Variants in RAPH1 observed in about 807,000 individuals in gnomAD.
The protein encoded by RAPH1 is Ras association (RalGDS/AF-6) and pleckstrin homology domains 1.
Under a neutral mutation model 88.1 loss-of-function variants are expected in RAPH1, and 18 were observed. The ratio of observed to expected loss-of-function variants is 0.20; its 90% CI spans 0.14 to 0.30. The LOEUF (loss-of-function observed/expected upper bound fraction) is 0.30, where lower values mean the gene tolerates loss of function less well. Ranked by LOEUF, RAPH1 falls within the 10% of genes least tolerant of loss-of-function variation. The pLI is 1.00. For synonymous variants in RAPH1, 587 were observed against 559.0 expected (o/e 1.05, Z -0.71); for missense variants, 1,448 against 1,543.2 (o/e 0.94, Z 1.03).
At chr2:203,510,857 G>A (rs935387873) in intron 1 of RAPH1, among the ~76,000 whole-genome samples, 3 of 151,924 alleles carry the variant, frequency 2.0e-5, no homozygotes, top group African/African-American at 7.3e-5. Flanking sequence ...CCAGGAGTTC[G>A]AAACCAGACT....
At chr2:203,520,331 C>CAA (rs33931481) in intron 1 of RAPH1, among the ~76,000 whole-genome samples, 3,206 of 144,100 alleles carry the variant, frequency 0.022, 53 homozygotes, top group East Asian at 0.073. Context: ...GCCCCTGCCT[C>CAA]AAAAAAAAAA....
chr2:203,471,718 T>C (rs2098533255), intron 4 of RAPH1, among the ~76,000 whole-genome samples: 1 of 152,226 alleles, frequency 6.6e-6, no homozygotes, highest in African/African-American at 2.4e-5. Context: ...TATACTATGT[T>C]AAGTTTGCTA....
chr2:203,494,827 A>G, intron 2 of RAPH1, among the ~76,000 whole-genome samples: 1 of 151,756 alleles, frequency 6.6e-6, no homozygotes, highest in South Asian at 2.1e-4. Flanking sequence ...AAAAAAAGAA[A>G]AAAAAAAAGA....
In RAPH1 at chr2:203,499,539, T is replaced by C. The variant is rs148083521; in HGVS notation, c.1-4186A>G. The stretch of plus-strand genomic sequence containing the variant: ...GAGTTCAAGACTAGCATGGCCAAGA[T>C]AGTGAAACCCCGTCTCTACAAAAAT... On this transcript the variant is annotated intron_variant, in intron 1 of 13. Coordinates refer to ENST00000319170, the MANE Select transcript of RAPH1 (RefSeq NM_213589.3). Among the ~76,000 whole-genome samples the C allele has an allele frequency of 7.8e-4, 119 of 151,984 alleles. 1 individual carries two copies. The highest frequency in any genetic ancestry group is 3.4e-3 in the Middle Eastern group (1 of 294).
rs564948157 is a variant in RAPH1, at chr2:203,441,406, A to G, written c.1784T>C (p.Met595Thr). Residue 595 changes from methionine (M) to threonine (T), a missense_variant, in exon 14 of 14, where the codon ATG (methionine) becomes ACG (threonine). Around this residue, in one of 2 missense-constraint regions of RAPH1, gnomAD observed 935 missense variants for 890.1 expected, o/e 1.05. Coordinates refer to ENST00000319170, the MANE Select transcript of RAPH1 (RefSeq NM_213589.3). ...AGTGTAGGGCCGATTCATAGACTCC[A>G]TTCTGGCCTAAAAGGAGTATAAAAA... ...TQLEESSKARMESMNRPYTSL... is the reference protein window; with the variant it reads ...TQLEESSKARTESMNRPYTSL... 18 of 1,545,922 alleles carry G rather than the reference A, an allele frequency of 1.2e-5. No individual in the cohort carries two copies. In the South Asian group the frequency reaches 2.3e-4, roughly 20 times the overall value.
chr2:203,533,977 C>T (rs901693663), intron 1 of RAPH1, among the ~76,000 whole-genome samples: 1 of 152,204 alleles, frequency 6.6e-6, no homozygotes, highest in Non-Finnish European at 1.5e-5. Context: ...GTTTCCCCCA[C>T]TCCGAAGAGC....
rs1333429763 is a variant in RAPH1 at position 203,490,107 on chromosome 2, T to C, written c.227-18A>G. The C allele has an allele frequency of 7.7e-6, 12 of 1,561,018 alleles. No individual in the cohort carries two copies. Among genetic ancestry groups the C allele is most frequent in the South Asian group, 1.2e-5 (1 of 82,556 alleles). On this transcript the variant is annotated intron_variant, in intron 3 of 13. Coordinates refer to ENST00000319170, the MANE Select transcript of RAPH1 (RefSeq NM_213589.3). Reference sequence around the variant, plus strand: ...CAGAGCTTCTGCAATGAACAACACATAATGTTTCCAGAATTTATACATTCT... The same window carrying C: ...CAGAGCTTCTGCAATGAACAACACACAATGTTTCCAGAATTTATACATTCT...
chr2:203,476,681 A>C (rs1370953143), intron 4 of RAPH1, among the ~76,000 whole-genome samples: 2 of 152,162 alleles, frequency 1.3e-5, no homozygotes, highest in Non-Finnish European at 2.9e-5. Context: ...CCAAAGAATA[A>C]ATTTTTTTAA....
intron 4 of RAPH1, among the ~76,000 whole-genome samples, chr2:203,466,431 G>A (rs2153644598): frequency 6.6e-6 from 1 of 152,246 alleles, no homozygotes; most frequent in South Asian, 2.1e-4. Flanking sequence ...AGCTCATGGG[G>A]TGTTGTATAA....
rs1392338244 is a variant in RAPH1, at chr2:203,506,823, T to TATATATATCTAG, written c.1-11471_1-11470insCTAGATATATAT. 7.2e-4 allele frequency among the ~76,000 whole-genome samples: 42 copies of TATATATATCTAG among 58,532 alleles called. 4 individuals carry two copies. Among genetic ancestry groups the TATATATATCTAG allele is most frequent in the Admixed American group, 1.7e-3 (8 of 4,604 alleles). The allele number at this position is 58,532 out of a possible 152,430, so 38.4% of individuals were successfully genotyped here. ...ATATATATCTATATCTATATATCTA[T>TATATATATCTAG]ATATATATCTATATCTATATATCTA... On this transcript the variant is annotated intron_variant, in intron 1 of 13. Coordinates refer to ENST00000319170, the MANE Select transcript of RAPH1 (RefSeq NM_213589.3).
At chr2:203,512,349 C>CT (rs1242235787) in intron 1 of RAPH1, among the ~76,000 whole-genome samples, 3 of 129,018 alleles carry the variant, frequency 2.3e-5, no homozygotes, top group Non-Finnish European at 4.8e-5. Context: ...GAGTGAGACT[C>CT]TGTCTCAAAA....
At chr2:203,488,538 G>C (rs1688082247) in intron 4 of RAPH1, among the ~76,000 whole-genome samples, 1 of 119,446 alleles carries the variant, frequency 8.4e-6, no homozygotes, top group African/African-American at 3.2e-5. Context: ...AGTGAGCCAA[G>C]ATCATGCCAC....
rs1241030170 is a variant in RAPH1 at position 203,434,060 on chromosome 2, A to ATCTATCTATCTATC, written c.*5376_*5377insGATAGATAGATAGA. ...CTCATATATCTATCTATCTATCTATATATATATATATATATATATAGCTTT... is the reference window on the plus strand; with the variant it reads ...CTCATATATCTATCTATCTATCTATATCTATCTATCTATCTATATATATATATATATATAGCTTT... On this transcript the variant is annotated 3_prime_UTR_variant, in exon 14 of 14. Transcript: ENST00000319170. The ATCTATCTATCTATC allele has an allele frequency of 2.8e-3, 336 of 119,432 alleles. 1 individual carries two copies. Among genetic ancestry groups the ATCTATCTATCTATC allele is most frequent in the African/African-American group, 8.7e-3 (230 of 26,486 alleles). 7.4% of individuals were successfully genotyped at this position (119,432 alleles called of 1,614,324 possible).
intron 1 of RAPH1, among the ~76,000 whole-genome samples, chr2:203,526,972 C>T (rs190377742): frequency 4.6e-4 from 70 of 151,978 alleles, no homozygotes; most frequent in African/African-American, 1.6e-3. Flanking sequence ...TTAGTAGAGA[C>T]AGGGTTTTGC....
chr2:203,506,746 A>ATATATATATC lies in RAPH1; in HGVS notation c.1-11394_1-11393insGATATATATA, dbSNP rs1553630375. ...AATCCATATATAGATATATATCTAT[A>ATATATATATC]TATATATATATCTATATATATATCT... On this transcript the variant is annotated intron_variant, in intron 1 of 13. Transcript: ENST00000319170. Among the ~76,000 whole-genome samples, 416 of 118,840 alleles carry ATATATATATC rather than the reference A, an allele frequency of 3.5e-3. 41 individuals are homozygous for ATATATATATC. Among genetic ancestry groups the ATATATATATC allele is most frequent in the African/African-American group, 0.015 (360 of 23,668 alleles). The allele number at this position is 118,840 out of a possible 152,430, so 78.0% of individuals were successfully genotyped here.
chr2:203,476,939 G>T, intron 4 of RAPH1: 1 of 614,290 alleles, frequency 1.6e-6, no homozygotes, highest in Non-Finnish European at 2.9e-6. Flanking sequence ...TTGCTTATTT[G>T]TTTTTGCTAA....
chr2:203,497,211 G>A (rs1688556206), intron 1 of RAPH1, among the ~76,000 whole-genome samples: 1 of 152,212 alleles, frequency 6.6e-6, no homozygotes. Flanking sequence ...TGTGGAGGAA[G>A]CCAGCAACAA....
At chr2:203,514,353 G>T (rs2105936931) in intron 1 of RAPH1, among the ~76,000 whole-genome samples, 1 of 152,126 alleles carries the variant, frequency 6.6e-6, no homozygotes, top group South Asian at 2.1e-4. Flanking sequence ...TACTTTTAGG[G>T]TTTTTTTGTT....
chr2:203,525,640 G>A (rs901415212), intron 1 of RAPH1, among the ~76,000 whole-genome samples: 6 of 152,012 alleles, frequency 3.9e-5, no homozygotes, highest in African/African-American at 4.8e-5. Flanking sequence ...AGCCAGGCAC[G>A]GTGATGCACA....
Sources: allele counts gnomAD v4.1 joint callset (sites outside exome capture counted in the v4.1 genomes callset), GRCh38; gene constraint gnomAD v4.1.1; regional missense constraint gnomAD v4.1.1; transcripts MANE v1.5; gene names NCBI Gene and HGNC (gene_info 2026-07-23, HGNC 2026-07-21).